Variants in TPST2 observed in about 807,000 individuals in gnomAD.
TPST2 encodes tyrosylprotein sulfotransferase 2.
A neutral mutation model predicts 27.8 loss-of-function variants in TPST2; 16 were observed. The observed-to-expected ratio is 0.58, with a 90% CI of 0.39 to 0.88. The LOEUF is 0.88. TPST2 is among the 40% of genes least tolerant of loss of function. TPST2 has a pLI of 0.00. For synonymous variants in TPST2, 229 were observed against 231.7 expected (o/e 0.99, Z 0.10); for missense variants, 464 against 543.1 (o/e 0.85, Z 1.45).
rs762485239 is a variant in TPST2 at position 26,536,179 on chromosome 22, G to A, written c.1041+109C>T. 26 of 1,314,904 alleles carry A rather than the reference G, an allele frequency of 2.0e-5. No individual in the cohort carries two copies. The Admixed American group carries it at 5.1e-4, about 26-fold the overall frequency. 81.5% of individuals were successfully genotyped at this position (1,314,904 alleles called of 1,614,324 possible). A position where few individuals can be genotyped will look rare whatever the true frequency, so the allele number is the denominator to read the frequency against. On this transcript the variant is annotated intron_variant, in intron 4 of 6. Transcript: ENST00000338754. ...TCCATCAGACAGGAACAAATCAGAT[G>A]ACCAGGAATTGAGAGACTGAACATT...
intron 3 of TPST2, among the ~76,000 whole-genome samples, chr22:26,539,776 CA>C (rs1569180384): frequency 6.6e-6 from 1 of 151,882 alleles, no homozygotes; most frequent in Non-Finnish European, 1.5e-5. Context: ...CTCAAAAAAA[CA>C]AAAACAAAAA....
intron 1 of TPST2, among the ~76,000 whole-genome samples, chr22:26,556,897 A>G (rs1468046835): frequency 6.6e-6 from 1 of 152,224 alleles, no homozygotes; most frequent in East Asian, 1.9e-4. Flanking sequence ...ATTGTGGAGC[A>G]TGGTTTGCAT....
chr22:26,541,099 A>G lies in TPST2; in HGVS notation c.532T>C (p.Phe178Leu). The G allele has an allele frequency of 6.2e-7, 1 of 1,607,524 alleles. No individual in the cohort carries two copies. Among genetic ancestry groups the G allele is most frequent in the Non-Finnish European group, 8.5e-7 (1 of 1,174,934 alleles). Residue 178 changes from phenylalanine to leucine, a missense_variant, in exon 3 of 7, where the codon TTC becomes CTC. Phe to Leu is a conservative substitution (Grantham distance 22, BLOSUM62 0). Coordinates refer to ENST00000338754, the MANE Select transcript of TPST2 (RefSeq NM_003595.5). This position sits in a 1 kb window ranked among gnomAD's most constrained non-coding sequence, Gnocchi z 5.9. ...CGGCCGTCCCGCACCATCAGCAGGA[A>G]CTTGGAGTTGGGGAACAGGCGCGAC... ...YLSRLFPNSKFLLMVRDGRAS... is the reference protein window; with the variant it reads ...YLSRLFPNSKLLLMVRDGRAS...
intron 1 of TPST2, among the ~76,000 whole-genome samples, chr22:26,589,221 T>A (rs1009971670): frequency 6.6e-6 from 1 of 151,382 alleles, no homozygotes; most frequent in African/African-American, 2.4e-5. Flanking sequence ...GGGCAAGAGG[T>A]TAGGCACGGT....
chr22:26,581,077 T>C (rs1928092723), intron 1 of TPST2, among the ~76,000 whole-genome samples: 1 of 150,816 alleles, frequency 6.6e-6, no homozygotes, highest in African/African-American at 2.4e-5. Flanking sequence ...CACTATAGTC[T>C]TTGTGCCCTG....
chr22:26,540,745 TC>T lies in TPST2; in HGVS notation c.842+43del, dbSNP rs780212590. On this transcript the variant is annotated intron_variant, in intron 3 of 6. Transcript: ENST00000338754. ...GATTTTCTTGCCTGGCGCCTCTGAC[TC>T]CAGGGCCAGAGTCTGAGTGGAAGCA... 9 of 1,511,882 alleles carry T rather than the reference TC, an allele frequency of 6.0e-6. No individual in the cohort carries two copies. In the East Asian group the frequency reaches 1.8e-4, roughly 31 times the overall value. 93.7% of individuals were successfully genotyped at this position (1,511,882 alleles called of 1,614,324 possible). A position where few individuals can be genotyped will look rare whatever the true frequency, so the allele number is the denominator to read the frequency against.
At chr22:26,589,727 C>G (rs888960247) in intron 1 of TPST2, among the ~76,000 whole-genome samples, 2 of 152,188 alleles carry the variant, frequency 1.3e-5, no homozygotes, top group Non-Finnish European at 2.9e-5. Context: ...CCCTCCCCCC[C>G]AGTCCCCCCG....
chr22:26,573,158 C>T (rs1185981790), intron 1 of TPST2, among the ~76,000 whole-genome samples: 2 of 152,162 alleles, frequency 1.3e-5, no homozygotes, highest in Non-Finnish European at 2.9e-5. Context: ...CTCAGCCCCT[C>T]GAGTAGAGAG....
chr22:26,573,807 C>T (rs2147233814), intron 1 of TPST2, among the ~76,000 whole-genome samples: 1 of 152,234 alleles, frequency 6.6e-6, no homozygotes, highest in South Asian at 2.1e-4. Context: ...TTTGCCAGCC[C>T]CAATTCTGGG....
intron 4 of TPST2, 89 bp from the exon 5 acceptor site, chr22:26,532,834 T>A (rs1482248344): frequency 2.4e-6 from 3 of 1,225,330 alleles, no homozygotes; most frequent in Non-Finnish European, 1.2e-6. Flanking sequence ...CATCCACCCA[T>A]CCACCTCGCC....
chr22:26,577,944 A>G (rs1416421273), intron 1 of TPST2, among the ~76,000 whole-genome samples: 1 of 152,120 alleles, frequency 6.6e-6, no homozygotes, highest in Non-Finnish European at 1.5e-5. Context: ...ATTAGCCACC[A>G]TGCCTGGCCG....
At chr22:26,529,814 A>G (rs1488833405) in intron 5 of TPST2, among the ~76,000 whole-genome samples, 1 of 152,016 alleles carries the variant, frequency 6.6e-6, no homozygotes, top group African/African-American at 2.4e-5. Context: ...ATACCCAGCT[A>G]AGGCTTTCTC....
At chr22:26,582,412 A>T (rs2267100) in intron 1 of TPST2, among the ~76,000 whole-genome samples, 1 of 151,868 alleles carries the variant, frequency 6.6e-6, no homozygotes, top group East Asian at 1.9e-4. Flanking sequence ...GGGCAACAAG[A>T]TCGAAACTCC....
intron 1 of TPST2, among the ~76,000 whole-genome samples, chr22:26,582,553 C>T (rs1456198285): frequency 2.6e-5 from 4 of 152,206 alleles, no homozygotes; most frequent in Non-Finnish European, 4.4e-5. Flanking sequence ...TGACATCTCA[C>T]GTCAGAGATG....
chr22:26,580,496 A>C (rs1203586796), intron 1 of TPST2, among the ~76,000 whole-genome samples: 1 of 152,148 alleles, frequency 6.6e-6, no homozygotes, highest in Non-Finnish European at 1.5e-5. Flanking sequence ...GGGCTCTCCA[A>C]ATTCCAAGCT....
intron 5 of TPST2, 99 bp downstream of exon 5, chr22:26,532,596 A>T: frequency 7.6e-7 from 1 of 1,314,326 alleles, no homozygotes; most frequent in Non-Finnish European, 1.1e-6. Flanking sequence ...TGGGAAAACC[A>T]TCAACCAGAG....
intron 2 of TPST2, chr22:26,543,267 C>T (rs978150906): frequency 3.3e-5 from 5 of 152,170 alleles, no homozygotes; most frequent in African/African-American, 1.2e-4. Flanking sequence ...TTTGTACCCT[C>T]GATTCAGGGT....
intron 5 of TPST2, among the ~76,000 whole-genome samples, chr22:26,530,443 A>C (rs76684545): frequency 0.032 from 4,934 of 152,170 alleles, 272 homozygotes; most frequent in African/African-American, 0.11. Context: ...CAATTTTTGC[A>C]GTATTTTAAA....
chr22:26,540,875 G>A lies in TPST2; in HGVS notation c.756C>T (p.Ile252=), dbSNP rs1241413420. The A allele has an allele frequency of 6.2e-7, 1 of 1,614,154 alleles. No individual in the cohort carries two copies. The highest frequency in any genetic ancestry group is 1.1e-5 in the South Asian group (1 of 91,084). Reference sequence around the variant, plus strand: ...TCCAGGCGATGCCGAGGAAGTCGAGGATGAGCTTGAGTGAGCGCCTGGGGT... The same window carrying A: ...TCCAGGCGATGCCGAGGAAGTCGAGAATGAGCTTGAGTGAGCGCCTGGGGT... ...VLHPRRSLKL[I]LDFLGIAWSD... The change falls in exon 3 of 7, where the codon ATC becomes ATT. Residue 252 remains isoleucine (I), a synonymous_variant. Transcript: ENST00000338754.
Sources: allele counts gnomAD v4.1 joint callset (sites outside exome capture counted in the v4.1 genomes callset), GRCh38; gene constraint gnomAD v4.1.1; non-coding constraint Gnocchi (gnomAD v3.1); transcripts MANE v1.5; gene names NCBI Gene and HGNC (gene_info 2026-07-23, HGNC 2026-07-21).